The following PGF variants were observed in gnomAD, a reference collection of about 807,000 sequenced individuals.
The protein encoded by PGF is placenta growth factor.
Under a neutral mutation model 25.3 loss-of-function variants are expected in PGF, and 11 were observed. The ratio of observed to expected loss-of-function variants is 0.43; its 90% CI spans 0.27 to 0.72. PGF has a LOEUF of 0.72. Ranked by LOEUF, PGF falls within the 30% of genes least tolerant of loss-of-function variation. PGF has a pLI of 0.18. For synonymous variants in PGF, 105 were observed against 97.9 expected (o/e 1.07, Z -0.43); for missense variants, 230 against 234.9 (o/e 0.98, Z 0.14).
chr14:74,952,004 C>T lies in PGF; in HGVS notation c.118+1900G>A, dbSNP rs61757884. Among the ~76,000 whole-genome samples the T allele has an allele frequency of 4.4e-3, 674 of 152,224 alleles. 5 individuals carry two copies. Among genetic ancestry groups the T allele is most frequent in the African/African-American group, 0.016 (650 of 41,534 alleles). The stretch of plus-strand genomic sequence containing the variant: ...ACTTCCGCTGGCCCCAGACCTGCTC[C>T]GGGAGGGGGTGGAGGTGAGAGCAAC... On this transcript the variant is annotated intron_variant, in intron 2 of 6. Coordinates refer to ENST00000555567, the MANE Select transcript of PGF (RefSeq NM_002632.6).
At chr14:74,946,173 G>T in intron 6 of PGF, 40 bp downstream of exon 6, 2 of 1,596,072 alleles carry the variant, frequency 1.3e-6, no homozygotes, top group East Asian at 2.2e-5. Context: ...CTCCCCTCGG[G>T]CCCAGCCTCC....
Position 74,946,538 on chromosome 14 carries a change from G to C in PGF, c.393-130C>G, listed in dbSNP as rs974519552. 5 of 840,864 alleles carry C rather than the reference G, an allele frequency of 5.9e-6. No individual in the cohort carries two copies. The Admixed American group carries it at 1.0e-4, about 18-fold the overall frequency. The allele number at this position is 840,864 out of a possible 1,614,324, so 52.1% of individuals were successfully genotyped here. A position where few individuals can be genotyped will look rare whatever the true frequency, so the allele number is the denominator to read the frequency against. ...TGCAGCTGACACTGAGGCCACTAGGGGGTAGCATGGAGTTGGCAAGGGAGA... is the reference window on the plus strand; with the variant it reads ...TGCAGCTGACACTGAGGCCACTAGGCGGTAGCATGGAGTTGGCAAGGGAGA... On this transcript the variant is annotated intron_variant, in intron 4 of 6. Transcript: ENST00000555567.
chr14:74,952,791 C>A (rs1888901750), intron 2 of PGF, among the ~76,000 whole-genome samples: 1 of 152,254 alleles, frequency 6.6e-6, no homozygotes, highest in South Asian at 2.1e-4. Flanking sequence ...TTTCTCCTCC[C>A]TGGAGTCAGA....
At chr14:74,946,670 C>A in intron 4 of PGF, 1 of 663,700 alleles carries the variant, frequency 1.5e-6, no homozygotes, top group Non-Finnish European at 2.8e-6. Context: ...TTCTGCACTT[C>A]TCAGCCTCTT....
intron 2 of PGF, among the ~76,000 whole-genome samples, chr14:74,951,761 G>A (rs896180814): frequency 6.6e-6 from 1 of 152,202 alleles, no homozygotes; most frequent in African/African-American, 2.4e-5. Flanking sequence ...CCCTGTGGCC[G>A]AACTGTGTTG....
intron 3 of PGF, 30 bp downstream of exon 3, chr14:74,949,327 G>C (rs61759377): frequency 1.4e-6 from 2 of 1,456,254 alleles, no homozygotes; most frequent in Non-Finnish European, 9.2e-7. Context: ...GGGCAGATTC[G>C]GTGGCCCCCT....
intron 6 of PGF, among the ~76,000 whole-genome samples, chr14:74,943,252 A>T (rs1441968793): frequency 6.6e-6 from 1 of 152,244 alleles, no homozygotes; most frequent in Non-Finnish European, 1.5e-5. Flanking sequence ...TTTGTGAGGC[A>T]GTGGCTGAGA....
chr14:74,944,317 T>C (rs534596914), intron 6 of PGF, among the ~76,000 whole-genome samples: 1 of 151,968 alleles, frequency 6.6e-6, no homozygotes, highest in East Asian at 1.9e-4. Flanking sequence ...TTAGCCAGGA[T>C]GGTCTCGATC....
intron 3 of PGF, among the ~76,000 whole-genome samples, chr14:74,948,823 A>G (rs1163477099): frequency 6.6e-6 from 1 of 152,178 alleles, no homozygotes; most frequent in African/African-American, 2.4e-5. Context: ...AAGGGGGCTC[A>G]TGTTCTGGAG....
Position 74,953,359 on chromosome 14 carries a change from G to A in PGF, c.118+545C>T, listed in dbSNP as rs1013095088. Among the ~76,000 whole-genome samples the A allele has an allele frequency of 2.6e-5, 4 of 152,172 alleles. No homozygotes were observed. Among genetic ancestry groups the A allele is most frequent in the African/African-American group, 7.2e-5 (3 of 41,414 alleles). On this transcript the variant is annotated intron_variant, in intron 2 of 6. Transcript: ENST00000555567. The surrounding 1 kb of genome is among the most constrained non-coding windows in gnomAD (Gnocchi z 5.4). ...ATGTCTCTTTGGCAAACGTCTCGTT[G>A]CCCTTTGAAGACTCCCTCTTGATGC...
chr14:74,944,337 T>C (rs1045210835), intron 6 of PGF, among the ~76,000 whole-genome samples: 49 of 152,006 alleles, frequency 3.2e-4, no homozygotes, highest in Middle Eastern at 3.4e-3. Flanking sequence ...CTCCTAACCT[T>C]GCGATCCGCC....
chr14:74,943,012 T>C (rs74730382), intron 6 of PGF, among the ~76,000 whole-genome samples: 2 of 152,164 alleles, frequency 1.3e-5, no homozygotes, highest in Non-Finnish European at 2.9e-5. Flanking sequence ...TTGTGAAGAT[T>C]AGGAAACTGA....
intron 6 of PGF, chr14:74,945,233 C>A (rs1037343351): frequency 1.3e-5 from 2 of 152,188 alleles, no homozygotes; most frequent in Admixed American, 6.5e-5. Context: ...TTTTGAAATT[C>A]TTTCAGGAGA....
At chr14:74,943,421 G>C (rs1449313174) in intron 6 of PGF, among the ~76,000 whole-genome samples, 1 of 152,214 alleles carries the variant, frequency 6.6e-6, no homozygotes, top group East Asian at 1.9e-4. Flanking sequence ...GGTAACCAAG[G>C]CTTTCAACAA....
At chr14:74,946,552 T>G (rs140359192) in intron 4 of PGF, 144 bp from the exon 5 acceptor site, 84 of 751,486 alleles carry the variant, frequency 1.1e-4, no homozygotes, top group South Asian at 5.0e-4. Flanking sequence ...AGCATGGAGT[T>G]GGCAAGGGAG....
intron 3 of PGF, 122 bp from the exon 4 acceptor site, chr14:74,948,705 C>T (rs558181442): frequency 3.5e-6 from 2 of 566,824 alleles, no homozygotes; most frequent in Non-Finnish European, 6.2e-6. Flanking sequence ...ACTACAGGCC[C>T]TCACTCCACT....
At chr14:74,955,726 G>C (rs1888978144), upstream of PGF, 3 of 152,032 alleles carry the variant, frequency 2.0e-5, no homozygotes, top group South Asian at 4.1e-4. This position sits in a 1 kb window ranked among gnomAD's most constrained non-coding sequence, Gnocchi z 4.1. Flanking sequence ...CGCAGCGCCC[G>C]GCCAGCCCGC....
At chr14:74,951,193 C>T (rs971000949) in intron 2 of PGF, among the ~76,000 whole-genome samples, 16 of 152,264 alleles carry the variant, frequency 1.1e-4, no homozygotes, top group African/African-American at 3.9e-4. Flanking sequence ...TTCTGCCGTG[C>T]TCTGCTTAGA....
At chr14:74,949,330 G>A in intron 3 of PGF, 27 bp downstream of exon 3, 2 of 1,461,254 alleles carry the variant, frequency 1.4e-6, no homozygotes, top group Middle Eastern at 1.8e-4. Context: ...CAGATTCGGT[G>A]GCCCCCTGGG....
Sources: allele counts gnomAD v4.1 joint callset (sites outside exome capture counted in the v4.1 genomes callset), GRCh38; gene constraint gnomAD v4.1.1; non-coding constraint Gnocchi (gnomAD v3.1); transcripts MANE v1.5; gene names NCBI Gene and HGNC (gene_info 2026-07-23, HGNC 2026-07-21).